LRRC37A2: variants seen among roughly 807,000 people sequenced by gnomAD.
The protein encoded by LRRC37A2 is leucine rich repeat containing 37 member A2.
LRRC37A2 carries 9 observed loss-of-function variants against 68.8 expected under a neutral mutation model. The observed-to-expected ratio is 0.13, with a 90% CI of 0.08 to 0.23. The LOEUF is 0.23. LRRC37A2 is among the 10% of genes least tolerant of loss of function. The probability of loss-of-function intolerance (pLI) is 1.00; values close to 1 mark genes in which losing one functional copy is unlikely to be tolerated. For missense variants in LRRC37A2, 168 were observed against 950.4 expected (o/e 0.18, Z 10.82); for synonymous variants, 63 against 367.6 (o/e 0.17, Z 9.48).
chr17:46,828,498 C>T, the LRRC37A2 span, among the ~76,000 whole-genome samples: 1 of 152,120 alleles, frequency 6.6e-6, no homozygotes, highest in Non-Finnish European at 1.5e-5. Context: ...TCACCACGCC[C>T]TGCCAGGGCT....
the LRRC37A2 span, among the ~76,000 whole-genome samples, chr17:46,708,934 C>T: frequency 2.6e-4 from 39 of 149,996 alleles, 1 homozygote; most frequent in Admixed American, 2.6e-3. Context: ...AAGTGATTCT[C>T]CTGCCTCAGC....
At chr17:46,836,526 G>A in the LRRC37A2 span, among the ~76,000 whole-genome samples, 13 of 152,178 alleles carry the variant, frequency 8.5e-5, no homozygotes, top group African/African-American at 3.1e-4. Flanking sequence ...TGTAAATGTC[G>A]ATGATTAGAA....
the LRRC37A2 span, among the ~76,000 whole-genome samples, chr17:46,418,234 T>C: frequency 3.6e-4 from 24 of 66,842 alleles, 1 homozygote; most frequent in South Asian, 1.4e-3. Context: ...TGTGTGTGTG[T>C]GCGCGCGCGC....
the LRRC37A2 span, chr17:46,755,219 T>C: frequency 2.3e-6 from 2 of 865,238 alleles, no homozygotes; most frequent in South Asian, 1.4e-5. Context: ...AGAGCATTGA[T>C]GAAGTGTGAA....
the LRRC37A2 span, among the ~76,000 whole-genome samples, chr17:46,788,658 G>A: frequency 2.6e-5 from 4 of 152,200 alleles, no homozygotes; most frequent in African/African-American, 4.8e-5. Flanking sequence ...CTCCATTGAT[G>A]GTGAGTTTTT....
the LRRC37A2 span, chr17:46,764,550 G>A: frequency 3.3e-5 from 5 of 152,362 alleles, no homozygotes; most frequent in African/African-American, 4.8e-5. Context: ...GGCTGTGCCC[G>A]GCTCTAGGTC....
the LRRC37A2 span, chr17:46,769,915 G>A: frequency 4.3e-6 from 7 of 1,613,456 alleles, no homozygotes; most frequent in African/African-American, 6.7e-5. Context: ...CCCACTTCCA[G>A]CCTTCGCCAG....
chr17:46,716,517 G>T, the LRRC37A2 span, among the ~76,000 whole-genome samples: 1 of 151,952 alleles, frequency 6.6e-6, no homozygotes, highest in African/African-American at 2.4e-5. Flanking sequence ...TCAGCCTCCC[G>T]AAGTGCTGGA....
chr17:46,722,055 C>G, the LRRC37A2 span: 4 of 1,608,414 alleles, frequency 2.5e-6, no homozygotes, highest in Non-Finnish European at 3.4e-6. Context: ...CTGAGCTGAG[C>G]CTTGAGGTCC....
At chr17:46,937,590 A>G in the LRRC37A2 span, 1 of 152,190 alleles carries the variant, frequency 6.6e-6, no homozygotes, top group African/African-American at 2.4e-5. Flanking sequence ...CTTCCCAGTC[A>G]GTTGACCCCT....
At chr17:46,892,434 A>G in the LRRC37A2 span, among the ~76,000 whole-genome samples, 1 of 152,140 alleles carries the variant, frequency 6.6e-6, no homozygotes, top group East Asian at 1.9e-4. Context: ...TGCCAGTCCT[A>G]CTGACAATGA....
chr17:46,939,856 C>T, the LRRC37A2 span: 1 of 993,178 alleles, frequency 1.0e-6, no homozygotes, highest in Non-Finnish European at 1.2e-6. Context: ...CCAATCTGTC[C>T]TGAAGTCCAT....
the LRRC37A2 span, among the ~76,000 whole-genome samples, chr17:46,846,204 A>G: frequency 6.6e-6 from 1 of 152,350 alleles, no homozygotes; most frequent in East Asian, 1.9e-4. Context: ...TTCAGTACAG[A>G]TGGCTCATCC....
chr17:46,494,529 T>G, the LRRC37A2 span, among the ~76,000 whole-genome samples: 1 of 150,072 alleles, frequency 6.7e-6, no homozygotes, highest in Non-Finnish European at 1.5e-5. Flanking sequence ...GCAGTTTGAA[T>G]TTCACATAAT....
At chr17:46,851,512 A>G in the LRRC37A2 span, 2 of 416,180 alleles carry the variant, frequency 4.8e-6, no homozygotes, top group Non-Finnish European at 3.9e-6. This position sits in a 1 kb window ranked among gnomAD's most constrained non-coding sequence, Gnocchi z 4.3. Flanking sequence ...GAGCCTCCCA[A>G]TCTCCTCCTT....
chr17:46,864,326 T>G, the LRRC37A2 span, among the ~76,000 whole-genome samples: 1,291 of 152,180 alleles, frequency 8.5e-3, 18 homozygotes, highest in African/African-American at 0.029. Context: ...TGCCTCCACA[T>G]CCCCACACCA....
the LRRC37A2 span, among the ~76,000 whole-genome samples, chr17:46,961,799 C>G: frequency 6.6e-6 from 1 of 152,218 alleles, no homozygotes; most frequent in Admixed American, 6.5e-5. Flanking sequence ...TAATATCCAA[C>G]AAAATGTACA....
At chr17:46,722,966 A>G in the LRRC37A2 span, among the ~76,000 whole-genome samples, 2 of 152,188 alleles carry the variant, frequency 1.3e-5, no homozygotes, top group Non-Finnish European at 2.9e-5. Context: ...CAAGAACGTC[A>G]CTACTTGATA....
At chr17:46,791,510 T>G in the LRRC37A2 span, among the ~76,000 whole-genome samples, 1 of 152,114 alleles carries the variant, frequency 6.6e-6, no homozygotes, top group East Asian at 1.9e-4. Context: ...CCCGGCCTCC[T>G]CACTGTTTTC....
Sources: gnomAD v4.1 joint callset for allele counts (sites outside exome capture counted in the v4.1 genomes callset) on GRCh38, gnomAD v4.1.1 for gene constraint, Gnocchi (gnomAD v3.1) non-coding constraint, MANE v1.5 for transcripts, NCBI Gene and HGNC (gene_info 2026-07-23, HGNC 2026-07-21) for gene names.